RAB31: variants seen among roughly 807,000 people sequenced by gnomAD.
RAB31 encodes RAB31, member RAS oncogene family.
In RAB31, 21 loss-of-function variants were observed where a neutral mutation model predicts 25.6. The observed-to-expected ratio is 0.82, with a 90% CI of 0.58 to 1.18. The LOEUF (loss-of-function observed/expected upper bound fraction) is 1.18, where lower values mean the gene tolerates loss of function less well. Ranked by LOEUF, RAB31 falls within the 50% of genes most tolerant of loss-of-function variation. RAB31 has a pLI of 0.00. For missense variants in RAB31, 196 were observed against 250.1 expected (o/e 0.78, Z 1.46); for synonymous variants, 87 against 84.0 (o/e 1.04, Z -0.20).
chr18:9,768,911 A>G (rs1256696725), intron 1 of RAB31, among the ~76,000 whole-genome samples: 2 of 152,268 alleles, frequency 1.3e-5, no homozygotes, highest in African/African-American at 2.4e-5. Context: ...TTTTCTGGAT[A>G]TGGCTAGCCA....
At chr18:9,755,789 G>A (rs948964099) in intron 1 of RAB31, among the ~76,000 whole-genome samples, 13 of 152,256 alleles carry the variant, frequency 8.5e-5, no homozygotes, top group South Asian at 4.1e-4. Flanking sequence ...AGATGCTAGC[G>A]TGCCTCATCT....
chr18:9,848,927 T>C (rs1488187108), intron 6 of RAB31, among the ~76,000 whole-genome samples: 5 of 152,216 alleles, frequency 3.3e-5, no homozygotes, highest in Non-Finnish European at 7.3e-5. Flanking sequence ...ATATGTTATC[T>C]TTTTAAAGAC....
chr18:9,725,897 A>G (rs2068094169), intron 1 of RAB31: 1 of 152,244 alleles, frequency 6.6e-6, no homozygotes, highest in Non-Finnish European at 1.5e-5. Context: ...CGTTTATAAT[A>G]ATACCAACAG....
intron 2 of RAB31, among the ~76,000 whole-genome samples, chr18:9,780,941 A>T (rs112335454): frequency 3.8e-4 from 44 of 114,460 alleles, no homozygotes; most frequent in Non-Finnish European, 6.3e-4. Context: ...GTCTCAAAAA[A>T]CAAAACAAAA....
rs190079318 is a variant in RAB31, at chr18:9,800,065, G to A, written c.201+7830G>A. Among the ~76,000 whole-genome samples, 40 of 152,340 alleles carry A rather than the reference G, an allele frequency of 2.6e-4. 1 individual carries two copies. The East Asian group carries it at 7.1e-3, about 27-fold the overall frequency. ...TTGCAAGGATGTACACAGGAGCCAT[G>A]CCTAGAGCGGTCCATAGCCGACAGA... On this transcript the variant is annotated intron_variant, in intron 3 of 6. Transcript: ENST00000578921.
intron 1 of RAB31, among the ~76,000 whole-genome samples, chr18:9,772,468 C>A (rs1429334671): frequency 6.6e-6 from 1 of 152,208 alleles, no homozygotes; most frequent in African/African-American, 2.4e-5. Context: ...CTGCCGTGTG[C>A]CTGGCCCTGC....
intron 5 of RAB31, among the ~76,000 whole-genome samples, chr18:9,845,247 G>T (rs950758425): frequency 2.6e-5 from 4 of 152,208 alleles, no homozygotes; most frequent in Non-Finnish European, 5.9e-5. Flanking sequence ...ATTGAGTCAT[G>T]TAATGGGGAA....
At chr18:9,775,479 A>G in intron 2 of RAB31, 122 bp downstream of exon 2, 2 of 1,507,332 alleles carry the variant, frequency 1.3e-6, no homozygotes, top group South Asian at 1.2e-5. Flanking sequence ...GTGAGAATCA[A>G]TCCCAGCTGT....
At chr18:9,854,776 G>T (rs2068807464) in intron 6 of RAB31, among the ~76,000 whole-genome samples, 1 of 152,174 alleles carries the variant, frequency 6.6e-6, no homozygotes, top group Non-Finnish European at 1.5e-5. Context: ...GTGAGTCATT[G>T]CTGTGTTCCA....
chr18:9,840,203 G>A (rs558629144), intron 5 of RAB31, among the ~76,000 whole-genome samples: 32 of 152,330 alleles, frequency 2.1e-4, no homozygotes, highest in Admixed American at 9.1e-4. Flanking sequence ...TCCTGCAGTC[G>A]TAGTAATTCT....
intron 2 of RAB31, among the ~76,000 whole-genome samples, chr18:9,790,294 G>A (rs576385168): frequency 2.6e-5 from 4 of 152,130 alleles, no homozygotes; most frequent in East Asian, 1.9e-4. Flanking sequence ...CAATCTTGGC[G>A]CTTCACTACC....
At chr18:9,723,667 A>G (rs1298578614) in intron 1 of RAB31, 1 of 152,246 alleles carries the variant, frequency 6.6e-6, no homozygotes, top group African/African-American at 2.4e-5. Context: ...GCTTCCACTC[A>G]TGGCAGAAAG....
At chr18:9,748,818 G>A (rs2068219210) in intron 1 of RAB31, among the ~76,000 whole-genome samples, 1 of 151,404 alleles carries the variant, frequency 6.6e-6, no homozygotes, top group African/African-American at 2.4e-5. Context: ...TTGAACCCGG[G>A]AGGTGGAGGT....
In RAB31 at chr18:9,862,380, A is replaced by T. The variant is rs2068852845; in HGVS notation, c.*3055A>T. ...TCTCGTGTTTTTGTAAAGAGCTTCCATCTGGGCTGGACCCAGTTCTTGCAC... is the reference window on the plus strand; with the variant it reads ...TCTCGTGTTTTTGTAAAGAGCTTCCTTCTGGGCTGGACCCAGTTCTTGCAC... On this transcript the variant is annotated 3_prime_UTR_variant, in exon 7 of 7. Transcript: ENST00000578921. 6.6e-6 allele frequency: 1 copy of T among 152,236 alleles called. No homozygotes were observed. Among genetic ancestry groups the T allele is most frequent in the South Asian group, 2.1e-4 (1 of 4,830 alleles). 9.4% of individuals were successfully genotyped at this position (152,236 alleles called of 1,614,324 possible). A position where few individuals can be genotyped will look rare whatever the true frequency, so the allele number is the denominator to read the frequency against.
At chr18:9,843,415 G>T (rs940441359) in intron 5 of RAB31, among the ~76,000 whole-genome samples, 13 of 151,886 alleles carry the variant, frequency 8.6e-5, no homozygotes, top group Admixed American at 2.6e-4. Context: ...GTGTGGTGGT[G>T]CGCACCTGTA....
intron 2 of RAB31, among the ~76,000 whole-genome samples, chr18:9,790,028 GC>G (rs1344357803): frequency 6.6e-6 from 1 of 152,098 alleles, no homozygotes; most frequent in African/African-American, 2.4e-5. Context: ...TATGATGAAT[GC>G]TAGTTGACCA....
rs542812464 is a variant in RAB31, at chr18:9,771,230, C to T, written c.40-4048C>T. Among the ~76,000 whole-genome samples, 22 of 152,142 alleles carry T rather than the reference C, an allele frequency of 1.4e-4. No individual in the cohort carries two copies. The East Asian group carries it at 4.1e-3, about 28-fold the overall frequency. On this transcript the variant is annotated intron_variant, in intron 1 of 6. Transcript: ENST00000578921. The stretch of plus-strand genomic sequence containing the variant: ...GGAAGTTGATTTAACCTAGTGAGAG[C>T]CTTAAGAGGTTTTGACTAGGACTCA...
intron 5 of RAB31, among the ~76,000 whole-genome samples, chr18:9,841,646 G>A (rs2068735153): frequency 6.6e-6 from 1 of 152,118 alleles, no homozygotes; most frequent in Non-Finnish European, 1.5e-5. Context: ...TGAGCAGAGG[G>A]GATTGGCTTT....
At chr18:9,740,539 C>A (rs570266877) in intron 1 of RAB31, among the ~76,000 whole-genome samples, 1 of 151,792 alleles carries the variant, frequency 6.6e-6, no homozygotes, top group Non-Finnish European at 1.5e-5. Context: ...ATGGTGAAAC[C>A]CTGTCTCTAC....
Sources: gnomAD v4.1 joint callset for allele counts (sites outside exome capture counted in the v4.1 genomes callset) on GRCh38, gnomAD v4.1.1 for gene constraint, MANE v1.5 for transcripts, NCBI Gene and HGNC (gene_info 2026-07-23, HGNC 2026-07-21) for gene names.